Variants in LGR5 observed in about 807,000 individuals in gnomAD.
The protein encoded by LGR5 is leucine-rich repeat-containing G protein-coupled receptor 5.
In LGR5, 54 loss-of-function variants were observed where a neutral mutation model predicts 76.7. The observed-to-expected ratio is 0.70, with a 90% confidence interval of 0.57 to 0.88. The LOEUF is 0.88. Among genes scored for constraint, LGR5 ranks in the 40% least tolerant of loss-of-function variants. The pLI, the probability that LGR5 is intolerant of heterozygous loss-of-function variation, is 0.00. For missense variants in LGR5, 1,078 were observed against 1,073.3 expected (o/e 1.00, Z -0.06); for synonymous variants, 406 against 421.9 (o/e 0.96, Z 0.46).
At chr12:71,470,511 G>T (rs1873050564) in intron 1 of LGR5, among the ~76,000 whole-genome samples, 1 of 152,002 alleles carries the variant, frequency 6.6e-6, no homozygotes, top group South Asian at 2.1e-4. Context: ...TATATCCATA[G>T]GTCTATAGAT....
chr12:71,465,180 G>A (rs902750493), intron 1 of LGR5, among the ~76,000 whole-genome samples: 2 of 152,132 alleles, frequency 1.3e-5, no homozygotes, highest in African/African-American at 4.8e-5. Context: ...ACGAATGAGA[G>A]ATTCAATCCT....
At chr12:71,582,568 G>C in intron 17 of LGR5, 29 bp downstream of exon 17, 2 of 1,498,882 alleles carry the variant, frequency 1.3e-6, no homozygotes, top group Non-Finnish European at 9.3e-7. Context: ...ATTCCTCAAC[G>C]GCAGTATCCA....
intron 1 of LGR5, among the ~76,000 whole-genome samples, chr12:71,447,683 C>T (rs963989182): frequency 6.6e-6 from 1 of 152,224 alleles, no homozygotes; most frequent in South Asian, 2.1e-4. Context: ...CACTAATACA[C>T]ACACCAACAA....
At chr12:71,466,905 T>C (rs1397226046) in intron 1 of LGR5, among the ~76,000 whole-genome samples, 1 of 152,040 alleles carries the variant, frequency 6.6e-6, no homozygotes, top group Non-Finnish European at 1.5e-5. Flanking sequence ...TTTAAAGTTG[T>C]AGTGAATCTT....
rs1389663242 is a variant in LGR5, at chr12:71,556,944, G to A, written c.716+254G>A. Among the ~76,000 whole-genome samples the A allele has an allele frequency of 2.6e-5, 4 of 152,154 alleles. No individual in the cohort carries two copies. In the East Asian group the frequency reaches 7.7e-4, roughly 29 times the overall value. ...AATTAAATGAGATGTTCTCTACTAA[G>A]CAGTGACTATTTGCTTAGAAATGTG... On this transcript the variant is annotated intron_variant, in intron 6 of 17. Coordinates refer to ENST00000266674, the MANE Select transcript of LGR5 (RefSeq NM_003667.4).
chr12:71,491,512 T>A (rs1046441255), intron 1 of LGR5, among the ~76,000 whole-genome samples: 8 of 152,038 alleles, frequency 5.3e-5, no homozygotes, highest in South Asian at 4.2e-4. Flanking sequence ...CCTTGTAAGG[T>A]AATGGTTATA....
intron 1 of LGR5, among the ~76,000 whole-genome samples, chr12:71,497,836 AT>A (rs1010228686): frequency 3.3e-5 from 5 of 152,036 alleles, no homozygotes; most frequent in East Asian, 1.9e-4. Flanking sequence ...AAGAGCATCA[AT>A]TTTTTTTGTT....
At chr12:71,545,322 C>A (rs540068397) in intron 4 of LGR5, among the ~76,000 whole-genome samples, 53 of 152,090 alleles carry the variant, frequency 3.5e-4, no homozygotes, top group African/African-American at 1.2e-3. Context: ...GTGGTGTACA[C>A]CTGTGGTCCC....
intron 1 of LGR5, among the ~76,000 whole-genome samples, chr12:71,500,344 A>C (rs1004561539): frequency 6.6e-6 from 1 of 152,188 alleles, no homozygotes; most frequent in African/African-American, 2.4e-5. Flanking sequence ...AGTTGTTTTC[A>C]GCCCTGGCTG....
chr12:71,504,571 T>C, intron 1 of LGR5, 43 bp from the exon 2 acceptor site: 4 of 1,452,314 alleles, frequency 2.8e-6, no homozygotes, highest in East Asian at 4.5e-5. Flanking sequence ...TTCCTTGTGG[T>C]GGCATTTGCT....
Position 71,584,942 on chromosome 12 carries a change from G to C in LGR5, c.*208G>C, listed in dbSNP as rs1053274543. On this transcript the variant is annotated 3_prime_UTR_variant, in exon 18 of 18. Coordinates refer to ENST00000266674, the MANE Select transcript of LGR5 (RefSeq NM_003667.4). ...AATGCTGCTTTGTATAATTTGTTCAGCTAAGGGATAGATCGATCACACTAT... is the reference window on the plus strand; with the variant it reads ...AATGCTGCTTTGTATAATTTGTTCACCTAAGGGATAGATCGATCACACTAT... 3.5e-6 allele frequency: 2 copies of C among 565,096 alleles called. No individual in the cohort carries two copies. Among genetic ancestry groups the C allele is most frequent in the East Asian group, 2.9e-5 (1 of 35,042 alleles). 35.0% of individuals were successfully genotyped at this position (565,096 alleles called of 1,614,324 possible).
At chr12:71,571,451 A>C in intron 11 of LGR5, 63 bp from the exon 12 acceptor site, 1 of 1,249,404 alleles carries the variant, frequency 8.0e-7, no homozygotes, top group Non-Finnish European at 1.2e-6. Context: ...AAGGAGAGCA[A>C]AGCATGTTTC....
chr12:71,506,597 A>T (rs7964892), intron 2 of LGR5, among the ~76,000 whole-genome samples: 6,431 of 152,218 alleles, frequency 0.042, 145 homozygotes, highest in African/African-American at 0.066. Context: ...ACTTCATCAA[A>T]TATCTTGACC....
At chr12:71,570,598 T>TG (rs1425545634) in intron 11 of LGR5, among the ~76,000 whole-genome samples, 3 of 152,110 alleles carry the variant, frequency 2.0e-5, no homozygotes, top group South Asian at 2.1e-4. Flanking sequence ...AGGTATTGGG[T>TG]GGGGGGGTAT....
chr12:71,542,265 G>T (rs1876916523), intron 4 of LGR5, among the ~76,000 whole-genome samples: 1 of 152,196 alleles, frequency 6.6e-6, no homozygotes, highest in African/African-American at 2.4e-5. Context: ...TCCAGACAGA[G>T]GGAACTATGT....
At chr12:71,575,652 A>T (rs916567825) in intron 13 of LGR5, among the ~76,000 whole-genome samples, 1 of 152,130 alleles carries the variant, frequency 6.6e-6, no homozygotes, top group East Asian at 1.9e-4. Flanking sequence ...CAGGGTTTGC[A>T]GTGAGCTGAG....
intron 1 of LGR5, among the ~76,000 whole-genome samples, chr12:71,497,042 G>A (rs34794893): frequency 0.09 from 13,607 of 152,018 alleles, 650 homozygotes; most frequent in Non-Finnish European, 0.11. Flanking sequence ...GGGGCCAGGC[G>A]CAGTGGCATG....
chr12:71,495,672 C>T (rs58390285), intron 1 of LGR5, among the ~76,000 whole-genome samples: 3,644 of 151,292 alleles, frequency 0.024, 356 homozygotes, highest in African/African-American at 0.085. Flanking sequence ...TAAATAACTT[C>T]CTCAAGGTTA....
chr12:71,577,901 C>T (rs772162998), intron 13 of LGR5, 24 bp from the exon 14 acceptor site: 1 of 1,502,984 alleles, frequency 6.7e-7, no homozygotes, highest in East Asian at 2.3e-5. Context: ...ATATAATTCT[C>T]TCATTTGCCT....
Sources: allele counts gnomAD v4.1 joint callset (sites outside exome capture counted in the v4.1 genomes callset), GRCh38; gene constraint gnomAD v4.1.1; transcripts MANE v1.5; gene names NCBI Gene and HGNC (gene_info 2026-07-23, HGNC 2026-07-21).